The following IFFO2 variants were observed in gnomAD, a reference collection of about 807,000 sequenced individuals.
IFFO2 encodes the protein intermediate filament family orphan 2.
Under a neutral mutation model 53.5 loss-of-function variants are expected in IFFO2, and 19 were observed. The observed-to-expected ratio is 0.36, with a 90% confidence interval of 0.25 to 0.52. IFFO2 has a LOEUF of 0.52. IFFO2 is among the 20% of genes least tolerant of loss of function. The pLI is 0.94. For missense variants in IFFO2, 570 were observed against 727.4 expected, an observed-to-expected ratio of 0.78 and a Z score of 2.49; for synonymous variants, 303 against 313.6, an observed-to-expected ratio of 0.97 and a Z score of 0.36.
chr1:18,916,204 C>G lies in IFFO2; in HGVS notation c.1103+699G>C, dbSNP rs1569836315. On this transcript the variant is annotated intron_variant, in intron 5 of 8. Transcript: ENST00000455833. This position sits in a 1 kb window ranked among gnomAD's most constrained non-coding sequence, Gnocchi z 4.3. Reference sequence around the variant, plus strand: ...ATGACATCCTCAGACACAGACATGTCCAGAGAGAGGACAGCCCAGCCCCTG... The same window carrying G: ...ATGACATCCTCAGACACAGACATGTGCAGAGAGAGGACAGCCCAGCCCCTG... Among the ~76,000 whole-genome samples, 1 of 152,072 alleles carries G rather than the reference C, an allele frequency of 6.6e-6. No homozygotes were observed. Among genetic ancestry groups the G allele is most frequent in the African/African-American group, 2.4e-5 (1 of 41,374 alleles).
In IFFO2 at chr1:18,907,325, C is replaced by T. The variant is rs1395453906; in HGVS notation, c.*1236G>A. 2 of 152,156 alleles carry T rather than the reference C, an allele frequency of 1.3e-5. No individual in the cohort carries two copies. Among genetic ancestry groups the T allele is most frequent in the African/African-American group, 2.4e-5 (1 of 41,428 alleles). 9.4% of individuals were successfully genotyped at this position (152,156 alleles called of 1,614,324 possible). A position where few individuals can be genotyped will look rare whatever the true frequency, so the allele number is the denominator to read the frequency against. Reference sequence around the variant, plus strand: ...CAGATCAATACCCCGACTGGCCAGTCGAGGGAACTGCTGAGAGCGGCTTGC... The same window carrying T: ...CAGATCAATACCCCGACTGGCCAGTTGAGGGAACTGCTGAGAGCGGCTTGC... On this transcript the variant is annotated 3_prime_UTR_variant, in exon 9 of 9. Coordinates refer to ENST00000455833, the MANE Select transcript of IFFO2 (RefSeq NM_001136265.2).
chr1:18,918,547 A>G lies in IFFO2; in HGVS notation c.823-45T>C. 1 of 1,544,986 alleles carries G rather than the reference A, an allele frequency of 6.5e-7. No individual in the cohort carries two copies. The highest frequency in any genetic ancestry group is 8.8e-7 in the Non-Finnish European group (1 of 1,141,438). ...GTTTACATGAGCGAGGGATGGAGCA[A>G]GCCTGGGGGGCTTGGCAGAGAGGTG... On this transcript the variant is annotated intron_variant, in intron 3 of 8. Coordinates refer to ENST00000455833, the MANE Select transcript of IFFO2 (RefSeq NM_001136265.2). The surrounding 1 kb of genome is among the most constrained non-coding windows in gnomAD (Gnocchi z 5.2).
rs1281858122 is a variant in IFFO2 at position 18,936,928 on chromosome 1, G to A, written c.666-15807C>T. ...CCCCACCTGGATTCAATGAGGATGT[G>A]CAAACACAAACTGGCTGCAGGTGGG... On this transcript the variant is annotated intron_variant, in intron 1 of 8. Coordinates refer to ENST00000455833, the MANE Select transcript of IFFO2 (RefSeq NM_001136265.2). This position sits in a 1 kb window ranked among gnomAD's most constrained non-coding sequence, Gnocchi z 4.5. 7.7e-5 allele frequency among the ~76,000 whole-genome samples: 11 copies of A among 142,762 alleles called. No individual in the cohort carries two copies. In the Admixed American group the frequency reaches 8.1e-4, roughly 10 times the overall value. The allele number at this position is 142,762 out of a possible 152,430, so 93.7% of individuals were successfully genotyped here. A position where few individuals can be genotyped will look rare whatever the true frequency, so the allele number is the denominator to read the frequency against.
Position 18,955,847 on chromosome 1 carries a change from C to G in IFFO2, c.486G>C (p.Trp162Cys). 1 of 1,498,498 alleles carries G rather than the reference C, an allele frequency of 6.7e-7. No homozygotes were observed. Among genetic ancestry groups the G allele is most frequent in the Non-Finnish European group, 8.8e-7 (1 of 1,131,430 alleles). The allele number at this position is 1,498,498 out of a possible 1,614,324, so 92.8% of individuals were successfully genotyped here. The change falls in exon 1 of 9, where the codon TGG becomes TGC. Residue 162 changes from tryptophan to cysteine, a missense_variant. Physicochemically the swap from Trp to Cys is radical, Grantham distance 215. Transcript: ENST00000455833. ...QHYGRLPGTI[W>C]SYTQVRRTGG... Reference sequence around the variant, plus strand: ...CCGTGCGCCGCACCTGCGTGTAGCTCCAGATGGTCCCGGGCAGGCGGCCGT... The same window carrying G: ...CCGTGCGCCGCACCTGCGTGTAGCTGCAGATGGTCCCGGGCAGGCGGCCGT...
Position 18,919,539 on chromosome 1 carries a change from TC to T in IFFO2, c.822+138del. Reference sequence around the variant, plus strand: ...CCTGGTCTCCGATGCATCCAATGCATCCGTCATCCTCATGGTCAAACACAGC... The same window carrying T: ...CCTGGTCTCCGATGCATCCAATGCATCGTCATCCTCATGGTCAAACACAGC... On this transcript the variant is annotated intron_variant, in intron 3 of 8. Coordinates refer to ENST00000455833, the MANE Select transcript of IFFO2 (RefSeq NM_001136265.2). The surrounding 1 kb of genome is among the most constrained non-coding windows in gnomAD (Gnocchi z 4.9). The T allele has an allele frequency of 1.5e-6, 1 of 660,404 alleles. No homozygotes were observed. The highest frequency in any genetic ancestry group is 2.7e-6 in the Non-Finnish European group (1 of 364,172). The allele number at this position is 660,404 out of a possible 1,614,324, so 40.9% of individuals were successfully genotyped here. A position where few individuals can be genotyped will look rare whatever the true frequency, so the allele number is the denominator to read the frequency against.
Position 18,955,835 on chromosome 1 carries a change from C to T in IFFO2, c.498G>A (p.Gln166=). 1 of 1,515,188 alleles carries T rather than the reference C, an allele frequency of 6.6e-7. No individual in the cohort carries two copies. Among genetic ancestry groups the T allele is most frequent in the East Asian group, 2.6e-5 (1 of 38,090 alleles). The allele number at this position is 1,515,188 out of a possible 1,614,324, so 93.9% of individuals were successfully genotyped here. A position where few individuals can be genotyped will look rare whatever the true frequency, so the allele number is the denominator to read the frequency against. Residue 166 remains glutamine (Q), a synonymous_variant, in exon 1 of 9, where the codon CAG becomes CAA. Coordinates refer to ENST00000455833, the MANE Select transcript of IFFO2 (RefSeq NM_001136265.2). ...RLPGTIWSYT[Q]VRRTGGGGVE... is the part of the protein sequence containing the mutation. ...CGCCGCCGCCGCCCGTGCGCCGCAC[C>T]TGCGTGTAGCTCCAGATGGTCCCGG...
intron 1 of IFFO2, among the ~76,000 whole-genome samples, chr1:18,930,265 T>C (rs1936357045): frequency 6.6e-6 from 1 of 152,174 alleles, no homozygotes; most frequent in East Asian, 1.9e-4. Context: ...GACCTCCCAA[T>C]GACAGCTGCT....
In IFFO2 at chr1:18,916,843, A is replaced by C. The variant is rs1569836983; in HGVS notation, c.1103+60T>G. 6.5e-7 allele frequency: 1 copy of C among 1,535,640 alleles called. No individual in the cohort carries two copies. On this transcript the variant is annotated intron_variant, in intron 5 of 8. Transcript: ENST00000455833. This position sits in a 1 kb window ranked among gnomAD's most constrained non-coding sequence, Gnocchi z 4.3. ...TACTCTCAGCCCAAGCCTCCCATTCACCGCCCCTGTGCAAGCAATCCGGGG... is the reference window on the plus strand; with the variant it reads ...TACTCTCAGCCCAAGCCTCCCATTCCCCGCCCCTGTGCAAGCAATCCGGGG...
At chr1:18,949,859 C>G (rs1000931970) in intron 1 of IFFO2, among the ~76,000 whole-genome samples, 1 of 152,218 alleles carries the variant, frequency 6.6e-6, no homozygotes, top group Non-Finnish European at 1.5e-5. Flanking sequence ...GACCCGCATC[C>G]GGTCTCGTTT....
At position 18,919,608 on chromosome 1, in the gene IFFO2, G is replaced by T; in HGVS notation, c.822+70C>A. On this transcript the variant is annotated intron_variant, in intron 3 of 8. Transcript: ENST00000455833. The surrounding 1 kb of genome is among the most constrained non-coding windows in gnomAD (Gnocchi z 4.9). ...AGAAGCCGAGCCCCGGAGCCTCGGAGGGAATGAAGCATTTTGCATGATGGG... is the reference window on the plus strand; with the variant it reads ...AGAAGCCGAGCCCCGGAGCCTCGGATGGAATGAAGCATTTTGCATGATGGG... 1 of 1,036,830 alleles carries T rather than the reference G, an allele frequency of 9.6e-7. No homozygotes were observed. Among genetic ancestry groups the T allele is most frequent in the South Asian group, 1.4e-5 (1 of 73,638 alleles). The allele number at this position is 1,036,830 out of a possible 1,614,324, so 64.2% of individuals were successfully genotyped here. A position where few individuals can be genotyped will look rare whatever the true frequency, so the allele number is the denominator to read the frequency against.
chr1:18,913,958 C>CAA (rs760160285), intron 5 of IFFO2, among the ~76,000 whole-genome samples: 1 of 152,016 alleles, frequency 6.6e-6, no homozygotes, highest in Non-Finnish European at 1.5e-5. Context: ...CAGCCTCCTG[C>CAA]GTAGCTGGGA....
chr1:18,934,452 T>C (rs1201527066), intron 1 of IFFO2, among the ~76,000 whole-genome samples: 1 of 152,214 alleles, frequency 6.6e-6, no homozygotes, highest in Non-Finnish European at 1.5e-5. Flanking sequence ...CTTCTGTATC[T>C]TTTTAATTTT....
intron 1 of IFFO2, among the ~76,000 whole-genome samples, chr1:18,929,993 G>A (rs984154382): frequency 2.0e-5 from 3 of 152,196 alleles, no homozygotes; most frequent in Admixed American, 6.5e-5. Flanking sequence ...AGCCAGCTGA[G>A]ACGTCTGTCC....
chr1:18,934,565 T>G (rs1475845849), intron 1 of IFFO2, among the ~76,000 whole-genome samples: 1 of 152,090 alleles, frequency 6.6e-6, no homozygotes, highest in Non-Finnish European at 1.5e-5. Flanking sequence ...GCATGAGTGT[T>G]TACAATGATT....
At chr1:18,940,836 G>A (rs976655400) in intron 1 of IFFO2, among the ~76,000 whole-genome samples, 13 of 152,096 alleles carry the variant, frequency 8.5e-5, no homozygotes, top group Non-Finnish European at 1.0e-4. Context: ...TACGCAACAC[G>A]TGCTCAAAGC....
chr1:18,949,889 T>A (rs983305172), intron 1 of IFFO2, among the ~76,000 whole-genome samples: 2 of 152,234 alleles, frequency 1.3e-5, no homozygotes, highest in African/African-American at 4.8e-5. Flanking sequence ...AAGCCCCGCC[T>A]CGCATTCCTC....
At chr1:18,913,266 A>G (rs912763630) in intron 5 of IFFO2, among the ~76,000 whole-genome samples, 3 of 152,230 alleles carry the variant, frequency 2.0e-5, no homozygotes, top group Non-Finnish European at 4.4e-5. Context: ...ACAGGAGCCC[A>G]TAGGTGGCTC....
chr1:18,911,336 G>A, intron 7 of IFFO2, 48 bp downstream of exon 7: 1 of 944,614 alleles, frequency 1.1e-6, no homozygotes, highest in Non-Finnish European at 1.5e-6. Context: ...TCAACCATGT[G>A]GACCTCAGGA....
At chr1:18,910,159 A>G (rs969399946) in intron 8 of IFFO2, among the ~76,000 whole-genome samples, 183 bp downstream of exon 8, 8 of 152,100 alleles carry the variant, frequency 5.3e-5, no homozygotes, top group Middle Eastern at 3.2e-3. Flanking sequence ...TATGTAAGGC[A>G]TCTGGCACAT....
Sources: gnomAD v4.1 joint callset for allele counts (sites outside exome capture counted in the v4.1 genomes callset) on GRCh38, gnomAD v4.1.1 for gene constraint, Gnocchi (gnomAD v3.1) non-coding constraint, MANE v1.5 for transcripts, NCBI Gene and HGNC (gene_info 2026-07-23, HGNC 2026-07-21) for gene names.